The following WWOX variants were observed in gnomAD, a reference collection of about 807,000 sequenced individuals.
WWOX encodes the protein WW domain containing oxidoreductase, also known as WW domain-containing oxidoreductase.
A neutral mutation model predicts 46.2 loss-of-function variants in WWOX; 69 were observed. The observed-to-expected ratio is 1.49, with a 90% CI of 1.23 to 1.82. The LOEUF is 1.82. WWOX is among the 40% of genes most tolerant of loss of function. WWOX has a pLI of 0.00. For missense variants in WWOX, 919 were observed against 542.6 expected, an observed-to-expected ratio of 1.69 and a Z score of -6.89; for synonymous variants, 359 against 202.6, an observed-to-expected ratio of 1.77 and a Z score of -6.56.
chr16:78,474,332 G>A (rs1027322764), intron 8 of WWOX, among the ~76,000 whole-genome samples: 1 of 152,176 alleles, frequency 6.6e-6, no homozygotes, highest in African/African-American at 2.4e-5. Flanking sequence ...GCACCTTTCT[G>A]TAGGACGCCA....
chr16:78,181,649 G>GT (rs1474004476), intron 5 of WWOX, among the ~76,000 whole-genome samples: 1 of 152,092 alleles, frequency 6.6e-6, no homozygotes, highest in East Asian at 1.9e-4. Flanking sequence ...ATTGACTGGG[G>GT]TTACTTAATA....
intron 5 of WWOX, among the ~76,000 whole-genome samples, chr16:78,335,906 A>G (rs1200359883): frequency 2.0e-5 from 3 of 152,180 alleles, no homozygotes; most frequent in Non-Finnish European, 4.4e-5. Context: ...AGCCTTGCCA[A>G]CATGGTGAAA....
chr16:78,903,088 A>G (rs2044870110), intron 8 of WWOX, among the ~76,000 whole-genome samples: 1 of 152,210 alleles, frequency 6.6e-6, no homozygotes, highest in South Asian at 2.1e-4. Flanking sequence ...ATTGAAAGCA[A>G]AACTACACTC....
intron 8 of WWOX, among the ~76,000 whole-genome samples, chr16:79,076,201 C>T (rs1416891678): frequency 1.3e-5 from 2 of 152,196 alleles, no homozygotes; most frequent in African/African-American, 4.8e-5. Context: ...CAAACTGTCA[C>T]ATTTTAGTGA....
At chr16:78,651,055 T>C (rs1384507702) in intron 8 of WWOX, among the ~76,000 whole-genome samples, 1 of 152,228 alleles carries the variant, frequency 6.6e-6, no homozygotes, top group Non-Finnish European at 1.5e-5. Flanking sequence ...GCTGAAGCCA[T>C]TGCCCATCTG....
At chr16:78,965,622 C>A (rs1018659719) in intron 8 of WWOX, among the ~76,000 whole-genome samples, 1 of 151,902 alleles carries the variant, frequency 6.6e-6, no homozygotes, top group African/African-American at 2.4e-5. Flanking sequence ...ATGCTTTCCA[C>A]TAGAAGATTC....
intron 8 of WWOX, among the ~76,000 whole-genome samples, chr16:78,576,322 T>A (rs1198514881): frequency 1.3e-5 from 2 of 152,204 alleles, no homozygotes; most frequent in Non-Finnish European, 2.9e-5. Flanking sequence ...TTTCTTTCTT[T>A]TATTCAAAAT....
rs190369351 is a variant in WWOX at position 78,252,183 on chromosome 16, C to T, written c.516+87894C>T. ...TCTCCCACATTGAAAGGGTTTATTG[C>T]ACAGTGAGTGTGTGCAAGTGAACAA... On this transcript the variant is annotated intron_variant, in intron 5 of 8. Transcript: ENST00000566780. Among the ~76,000 whole-genome samples the T allele has an allele frequency of 2.7e-4, 41 of 152,220 alleles. 1 individual carries two copies. The highest frequency in any genetic ancestry group is 5.0e-4 in the Non-Finnish European group (34 of 68,020).
chr16:78,780,102 C>G (rs543462156), intron 8 of WWOX, among the ~76,000 whole-genome samples: 1 of 152,134 alleles, frequency 6.6e-6, no homozygotes, highest in Non-Finnish European at 1.5e-5. Context: ...TCTCGTACTT[C>G]AGGTCCCTGT....
intron 8 of WWOX, among the ~76,000 whole-genome samples, chr16:79,201,597 A>C (rs2051353455): frequency 6.6e-6 from 1 of 152,168 alleles, no homozygotes; most frequent in Admixed American, 6.5e-5. Context: ...ATTTGGGAAA[A>C]ACATCTTCAA....
intron 8 of WWOX, among the ~76,000 whole-genome samples, chr16:78,742,015 C>T (rs11862854): frequency 5.9e-5 from 9 of 152,172 alleles, no homozygotes; most frequent in Non-Finnish European, 1.2e-4. Flanking sequence ...CTTCCCACCC[C>T]CTACGATGTC....
At chr16:79,122,971 A>G (rs2049670922) in intron 8 of WWOX, among the ~76,000 whole-genome samples, 1 of 152,218 alleles carries the variant, frequency 6.6e-6, no homozygotes. Flanking sequence ...CATTGCCTCA[A>G]AATTTGGGAT....
chr16:78,139,868 G>T (rs1182873243), intron 4 of WWOX, among the ~76,000 whole-genome samples: 1 of 152,186 alleles, frequency 6.6e-6, no homozygotes, highest in Non-Finnish European at 1.5e-5. Flanking sequence ...GAGGCAACTA[G>T]TGCTCAACTC....
At chr16:78,308,906 C>T (rs905167875) in intron 5 of WWOX, among the ~76,000 whole-genome samples, 1 of 152,130 alleles carries the variant, frequency 6.6e-6, no homozygotes, top group Admixed American at 6.5e-5. Context: ...CATCGCCACC[C>T]AAAATCAGAC....
In WWOX at chr16:78,816,502, C is replaced by CTTTTTTTTTTTTTTTTT. The variant is rs55814418; in HGVS notation, c.1056+383764_1056+383780dup. On this transcript the variant is annotated intron_variant, in intron 8 of 8. Coordinates refer to ENST00000566780, the MANE Select transcript of WWOX (RefSeq NM_016373.4). ...ATCTACCAGACAAGAAGGAGCCACTCTTTTTTTTTTTTTTTTTTTTTTTTT... is the reference window on the plus strand; with the variant it reads ...ATCTACCAGACAAGAAGGAGCCACTCTTTTTTTTTTTTTTTTTTTTTTTTTTTTTTTTTTTTTTTTTT... Among the ~76,000 whole-genome samples, 6 of 42,066 alleles carry CTTTTTTTTTTTTTTTTT rather than the reference C, an allele frequency of 1.4e-4. 1 individual carries two copies. The highest frequency in any genetic ancestry group is 4.4e-4 in the Admixed American group (1 of 2,294). 27.6% of individuals were successfully genotyped at this position (42,066 alleles called of 152,430 possible).
chr16:78,751,111 G>A (rs1319338194), intron 8 of WWOX, among the ~76,000 whole-genome samples: 1 of 152,076 alleles, frequency 6.6e-6, no homozygotes, highest in Non-Finnish European at 1.5e-5. Context: ...AGAGAAGAGT[G>A]CTGTTTCAAA....
At chr16:78,504,458 A>G (rs1397927) in intron 8 of WWOX, among the ~76,000 whole-genome samples, 137,997 of 152,224 alleles carry the variant, frequency 0.91, 63,104 homozygotes, top group Non-Finnish European at 0.97. Context: ...AAGAATCCTC[A>G]TACAAATTGT....
At chr16:79,085,952 G>T (rs780944133) in intron 8 of WWOX, among the ~76,000 whole-genome samples, 23 of 151,978 alleles carry the variant, frequency 1.5e-4, no homozygotes, top group Non-Finnish European at 3.2e-4. Flanking sequence ...CTCACCTGTA[G>T]TCCCAGCTAC....
At chr16:78,644,280 C>T (rs938025270) in intron 8 of WWOX, among the ~76,000 whole-genome samples, 2 of 152,088 alleles carry the variant, frequency 1.3e-5, no homozygotes, top group Admixed American at 6.6e-5. Flanking sequence ...TCCTCCCCAC[C>T]CTAAGCATCT....
Sources: allele counts gnomAD v4.1 joint callset (sites outside exome capture counted in the v4.1 genomes callset), GRCh38; gene constraint gnomAD v4.1.1; transcripts MANE v1.5; gene names NCBI Gene and HGNC (gene_info 2026-07-23, HGNC 2026-07-21).